Variants in IKZF2 observed in about 807,000 individuals in gnomAD.
IKZF2 encodes IKAROS family zinc finger 2, also known as zinc finger protein Helios.
IKZF2 carries 15 observed loss-of-function variants against 49.2 expected under a neutral mutation model. That is an observed-to-expected ratio of 0.30 (90% confidence interval 0.20 to 0.47). The LOEUF (loss-of-function observed/expected upper bound fraction) is 0.47. IKZF2 is among the 20% of genes least tolerant of loss of function. The pLI, the probability that IKZF2 is intolerant of heterozygous loss-of-function variation, is 1.00. For missense variants in IKZF2, 567 were observed against 664.6 expected (o/e 0.85, Z 1.61); for synonymous variants, 227 against 221.4 (o/e 1.03, Z -0.23).
chr2:213,147,433 A>G, intron 4 of IKZF2: 1 of 569,806 alleles, frequency 1.8e-6, no homozygotes, highest in Non-Finnish European at 3.1e-6. Context: ...AAACCTGGCA[A>G]GTCAAAACAA....
At chr2:213,016,739 T>C (rs1024448579) in intron 7 of IKZF2, among the ~76,000 whole-genome samples, 8 of 152,260 alleles carry the variant, frequency 5.3e-5, no homozygotes, top group Non-Finnish European at 1.0e-4. Context: ...CACTGTTTCA[T>C]CACGTTGATA....
intron 4 of IKZF2, among the ~76,000 whole-genome samples, chr2:213,094,393 C>A (rs1411248005): frequency 6.6e-6 from 1 of 152,150 alleles, no homozygotes; most frequent in South Asian, 2.1e-4. Flanking sequence ...GCAGTTCCCA[C>A]AAGCAATAGC....
At chr2:213,094,570 TG>T (rs1478618990) in intron 4 of IKZF2, among the ~76,000 whole-genome samples, 1 of 152,068 alleles carries the variant, frequency 6.6e-6, no homozygotes, top group Non-Finnish European at 1.5e-5. Flanking sequence ...ATGCGCAGGC[TG>T]GGACACAGGC....
intron 1 of IKZF2, chr2:213,150,478 G>GTCCTCC: frequency 1.0e-5 from 1 of 100,230 alleles, no homozygotes; most frequent in Non-Finnish European, 3.0e-5. Context: ...CCTCCTCCTC[G>GTCCTCC]TCCTCCTCCT....
In IKZF2 at chr2:213,035,154, T is replaced by C. The variant is rs535170150; in HGVS notation, c.575-13024A>G. Reference sequence around the variant, plus strand: ...GTTACGTTAAATTAGGAAATAGTTGTACCTAACTCACAGCATTTCTGTGAG... The same window carrying C: ...GTTACGTTAAATTAGGAAATAGTTGCACCTAACTCACAGCATTTCTGTGAG... On this transcript the variant is annotated intron_variant, in intron 6 of 8. Transcript: ENST00000434687. 3.9e-5 allele frequency among the ~76,000 whole-genome samples: 6 copies of C among 152,310 alleles called. No individual in the cohort carries two copies. In the South Asian group the frequency reaches 1.2e-3, roughly 32 times the overall value.
chr2:213,127,370 T>C (rs1489176309), intron 4 of IKZF2, among the ~76,000 whole-genome samples: 1 of 152,178 alleles, frequency 6.6e-6, no homozygotes, highest in Admixed American at 6.5e-5. Flanking sequence ...ACTATAAAAC[T>C]ACATAGTTCT....
chr2:213,096,132 A>G (rs148047796), intron 4 of IKZF2, among the ~76,000 whole-genome samples: 243 of 152,060 alleles, frequency 1.6e-3, no homozygotes, highest in Middle Eastern at 6.8e-3. Flanking sequence ...AGGATATGTT[A>G]CTTGATCAAG....
At chr2:213,050,334 T>G (rs991180147) in intron 5 of IKZF2, among the ~76,000 whole-genome samples, 3 of 152,188 alleles carry the variant, frequency 2.0e-5, no homozygotes, top group African/African-American at 7.2e-5. Flanking sequence ...GTAGTCAAGG[T>G]GAGAAATGAA....
intron 6 of IKZF2, among the ~76,000 whole-genome samples, chr2:213,023,491 C>A (rs950626338): frequency 2.6e-5 from 4 of 152,028 alleles, no homozygotes; most frequent in Non-Finnish European, 4.4e-5. Context: ...TTTTTTGGAA[C>A]CATGGATTTC....
intron 4 of IKZF2, among the ~76,000 whole-genome samples, chr2:213,081,571 A>G (rs1703957083): frequency 6.6e-6 from 1 of 152,186 alleles, no homozygotes; most frequent in Admixed American, 6.5e-5. Context: ...AGGCTGGGGA[A>G]GGTTTCTCAA....
At position 213,142,752 on chromosome 2, in the gene IKZF2, T is replaced by C. The variant is rs184574184; in HGVS notation, c.139+4956A>G. Among the ~76,000 whole-genome samples the C allele has an allele frequency of 9.4e-4, 143 of 152,082 alleles. 1 individual carries two copies. Among genetic ancestry groups the C allele is most frequent in the African/African-American group, 3.3e-3 (135 of 41,516 alleles). On this transcript the variant is annotated intron_variant, in intron 4 of 8. Coordinates refer to ENST00000434687, the MANE Select transcript of IKZF2 (RefSeq NM_001387220.1). ...AGTCTACTGCTTCTGAGCCTCAGTT[T>C]TAAGTGTTATAAAATAGAGTAATTA...
intron 6 of IKZF2, among the ~76,000 whole-genome samples, chr2:213,026,854 T>G (rs1276150599): frequency 6.6e-6 from 1 of 152,134 alleles, no homozygotes; most frequent in Non-Finnish European, 1.5e-5. Flanking sequence ...TAGGTAACAC[T>G]TTCTCCCAGA....
intron 6 of IKZF2, among the ~76,000 whole-genome samples, chr2:213,047,435 C>CATGA (rs1451083882): frequency 1.3e-5 from 2 of 152,096 alleles, no homozygotes; most frequent in African/African-American, 2.4e-5. Flanking sequence ...AGCCAGAAGG[C>CATGA]ATGAGTCTGA....
chr2:213,049,254 T>C (rs1017043899), intron 6 of IKZF2, among the ~76,000 whole-genome samples: 2 of 152,000 alleles, frequency 1.3e-5, no homozygotes, highest in Admixed American at 1.3e-4. Context: ...ATTTTCTGAG[T>C]ATATTTTCAA....
chr2:213,014,092 A>G, intron 7 of IKZF2, 158 bp from the exon 8 acceptor site: 1 of 585,798 alleles, frequency 1.7e-6, no homozygotes. Flanking sequence ...ATACTCTTTA[A>G]ATTTGCACAC....
At chr2:213,009,707 A>T (rs1175772334) in intron 8 of IKZF2, among the ~76,000 whole-genome samples, 1 of 152,136 alleles carries the variant, frequency 6.6e-6, no homozygotes, top group African/African-American at 2.4e-5. Flanking sequence ...CAATTTAAGG[A>T]TCATTTACAA....
intron 5 of IKZF2, among the ~76,000 whole-genome samples, chr2:213,050,637 G>A (rs887663768): frequency 1.3e-5 from 2 of 151,982 alleles, no homozygotes; most frequent in Admixed American, 1.3e-4. Flanking sequence ...TGTTTTTTGT[G>A]AAACTTATTA....
chr2:213,102,256 G>A (rs75487974), intron 4 of IKZF2, among the ~76,000 whole-genome samples: 2,212 of 152,264 alleles, frequency 0.015, 45 homozygotes, highest in African/African-American at 0.05. Flanking sequence ...AAACCAAGGC[G>A]TGGTGCTGTT....
chr2:213,127,515 T>C (rs73077296), intron 4 of IKZF2, among the ~76,000 whole-genome samples: 195 of 152,314 alleles, frequency 1.3e-3, no homozygotes, highest in African/African-American at 4.0e-3. Context: ...TCCTTAATCA[T>C]TGAATAATGA....
Sources: allele counts gnomAD v4.1 joint callset (sites outside exome capture counted in the v4.1 genomes callset), GRCh38; gene constraint gnomAD v4.1.1; transcripts MANE v1.5; gene names NCBI Gene and HGNC (gene_info 2026-07-23, HGNC 2026-07-21).